CNTNAP2: variants seen among roughly 807,000 people sequenced by gnomAD.
CNTNAP2 encodes contactin associated protein 2.
A neutral mutation model predicts 155.2 loss-of-function variants in CNTNAP2; 98 were observed. The ratio of observed to expected loss-of-function variants is 0.63; its 90% CI spans 0.54 to 0.75. The LOEUF (loss-of-function observed/expected upper bound fraction) is 0.75, where lower values mean the gene tolerates loss of function less well. CNTNAP2 is among the 30% of genes least tolerant of loss of function. The probability of loss-of-function intolerance (pLI) is 0.00; values close to 1 mark genes in which losing one functional copy is unlikely to be tolerated. For missense variants in CNTNAP2, 1,727 were observed against 1,688.1 expected (o/e 1.02, Z -0.40); for synonymous variants, 651 against 631.2 (o/e 1.03, Z -0.47).
At chr7:146,880,801 GT>G (rs1795534364) in intron 3 of CNTNAP2, among the ~76,000 whole-genome samples, 1 of 152,034 alleles carries the variant, frequency 6.6e-6, no homozygotes, top group Admixed American at 6.6e-5. Context: ...CTGAATATTT[GT>G]TTTATTATCT....
chr7:146,896,806 T>C (rs1795886484), intron 3 of CNTNAP2, among the ~76,000 whole-genome samples: 1 of 152,124 alleles, frequency 6.6e-6, no homozygotes, highest in Non-Finnish European at 1.5e-5. Context: ...AATTTTACTT[T>C]AATAAAATTA....
intron 19 of CNTNAP2, among the ~76,000 whole-genome samples, chr7:148,226,833 T>G (rs1310095296): frequency 1.3e-5 from 2 of 152,208 alleles, no homozygotes; most frequent in Non-Finnish European, 2.9e-5. Context: ...CACTTGGATC[T>G]CTCAAGTCGC....
chr7:146,130,190 G>C (rs1563133170), intron 1 of CNTNAP2, among the ~76,000 whole-genome samples: 2 of 152,198 alleles, frequency 1.3e-5, no homozygotes, highest in Non-Finnish European at 2.9e-5. Flanking sequence ...GGCCGGGCGT[G>C]GTGGCTCATG....
chr7:148,173,121 A>T (rs1007129013), intron 18 of CNTNAP2, among the ~76,000 whole-genome samples: 2 of 152,202 alleles, frequency 1.3e-5, no homozygotes, highest in South Asian at 4.1e-4. Flanking sequence ...TTTAATCCCC[A>T]GTAGATTCCG....
intron 3 of CNTNAP2, among the ~76,000 whole-genome samples, chr7:146,947,618 T>A (rs1189461554): frequency 6.9e-6 from 1 of 145,712 alleles, no homozygotes; most frequent in Admixed American, 7.0e-5. Context: ...TTTCAAAATA[T>A]TTCAAAGCCA....
chr7:148,036,731 A>C (rs959727538), intron 15 of CNTNAP2, among the ~76,000 whole-genome samples: 5 of 152,190 alleles, frequency 3.3e-5, no homozygotes, highest in Non-Finnish European at 7.3e-5. Context: ...CATATAATAT[A>C]TTAGCTGCAG....
At chr7:148,327,251 T>C (rs1797909159) in intron 21 of CNTNAP2, among the ~76,000 whole-genome samples, 1 of 152,194 alleles carries the variant, frequency 6.6e-6, no homozygotes, top group African/African-American at 2.4e-5. Context: ...TGAGTCTATG[T>C]GCCACCATCT....
intron 5 of CNTNAP2, among the ~76,000 whole-genome samples, chr7:147,110,027 T>A (rs1800844863): frequency 6.6e-6 from 1 of 152,042 alleles, no homozygotes; most frequent in Non-Finnish European, 1.5e-5. Flanking sequence ...CAGGCTTAAG[T>A]GATGCTCCTG....
chr7:147,074,788 T>A (rs569425731), intron 4 of CNTNAP2, among the ~76,000 whole-genome samples: 24 of 152,312 alleles, frequency 1.6e-4, no homozygotes, highest in African/African-American at 5.8e-4. Flanking sequence ...ATTTTCAGTA[T>A]GTTTCTATTG....
chr7:146,249,854 T>C (rs192145732), intron 1 of CNTNAP2, among the ~76,000 whole-genome samples: 54 of 152,236 alleles, frequency 3.5e-4, no homozygotes, highest in Non-Finnish European at 4.4e-5. Context: ...ATTATACTTA[T>C]TTTTATTAAA....
intron 10 of CNTNAP2, among the ~76,000 whole-genome samples, chr7:147,399,068 C>T (rs1419285710): frequency 6.6e-6 from 1 of 151,974 alleles, no homozygotes; most frequent in Non-Finnish European, 1.5e-5. Context: ...AGGGAAAGAA[C>T]ATTTGACCCA....
At chr7:148,330,201 GGAGTGGATGGATGGAA>G in intron 21 of CNTNAP2, among the ~76,000 whole-genome samples, 2 of 150,256 alleles carry the variant, frequency 1.3e-5, no homozygotes, top group South Asian at 4.2e-4. Context: ...ATGGGTGGAT[GGAGTGGATGGATGGAA>G]TGGATGGATG....
At chr7:146,736,317 A>G (rs1801619492) in intron 1 of CNTNAP2, among the ~76,000 whole-genome samples, 1 of 152,154 alleles carries the variant, frequency 6.6e-6, no homozygotes, top group African/African-American at 2.4e-5. Flanking sequence ...GTGGCAGTTC[A>G]GAACTATAAA....
intron 8 of CNTNAP2, among the ~76,000 whole-genome samples, chr7:147,232,665 C>G (rs1297175084): frequency 1.3e-5 from 2 of 152,010 alleles, no homozygotes; most frequent in Non-Finnish European, 2.9e-5. Context: ...CTGTATTATC[C>G]AATGTAAAAA....
chr7:146,447,705 A>C (rs570156041), intron 1 of CNTNAP2, among the ~76,000 whole-genome samples: 30 of 152,122 alleles, frequency 2.0e-4, no homozygotes, highest in African/African-American at 6.7e-4. Context: ...AGATTGCAAT[A>C]ATCACAGAAG....
At chr7:146,814,100 G>A (rs1222649738) in intron 2 of CNTNAP2, among the ~76,000 whole-genome samples, 1 of 152,056 alleles carries the variant, frequency 6.6e-6, no homozygotes, top group Non-Finnish European at 1.5e-5. Flanking sequence ...AGCAGCATAA[G>A]AACTGACTAA....
chr7:147,546,717 G>T (rs1050165953), intron 11 of CNTNAP2, among the ~76,000 whole-genome samples: 22 of 152,204 alleles, frequency 1.4e-4, no homozygotes, highest in Non-Finnish European at 2.9e-4. Flanking sequence ...TTGTCAAGTT[G>T]ACTGTGGTCA....
At chr7:147,758,448 G>A (rs1241215663) in intron 13 of CNTNAP2, among the ~76,000 whole-genome samples, 2 of 152,172 alleles carry the variant, frequency 1.3e-5, no homozygotes, top group African/African-American at 2.4e-5. Flanking sequence ...GAACATCAAG[G>A]AAGAGCCAAA....
At chr7:147,364,745 A>G (rs1432807936) in intron 9 of CNTNAP2, among the ~76,000 whole-genome samples, 2 of 151,898 alleles carry the variant, frequency 1.3e-5, no homozygotes, top group African/African-American at 4.8e-5. Context: ...GCTACTCGGG[A>G]GGCTGAGGCA....
Sources: allele counts gnomAD v4.1 joint callset (sites outside exome capture counted in the v4.1 genomes callset), GRCh38; gene constraint gnomAD v4.1.1; transcripts MANE v1.5; gene names NCBI Gene and HGNC (gene_info 2026-07-23, HGNC 2026-07-21).